LAMB3: variants seen among roughly 807,000 people sequenced by gnomAD.
The protein encoded by LAMB3 is laminin subunit beta 3, also known as laminin subunit beta-3.
LAMB3 carries 104 observed loss-of-function variants against 140.3 expected under a neutral mutation model. The observed-to-expected ratio is 0.74, with a 90% CI of 0.63 to 0.87. The LOEUF (loss-of-function observed/expected upper bound fraction) is 0.87, where lower values mean the gene tolerates loss of function less well. LAMB3 is among the 40% of genes least tolerant of loss of function. The probability of loss-of-function intolerance (pLI) is 0.00; values close to 1 mark genes in which losing one functional copy is unlikely to be tolerated. For synonymous variants in LAMB3, 592 were observed against 602.9 expected, an observed-to-expected ratio of 0.98 and a Z score of 0.26; for missense variants, 1,531 against 1,575.2, an observed-to-expected ratio of 0.97 and a Z score of 0.47.
intron 10 of LAMB3, among the ~76,000 whole-genome samples, chr1:209,629,528 T>C (rs951054832): frequency 3.9e-5 from 6 of 152,180 alleles, no homozygotes; most frequent in African/African-American, 1.4e-4. Flanking sequence ...TAACTCTTGA[T>C]TGATTGTCTG....
chr1:209,636,187 C>T (rs1228453455), intron 5 of LAMB3, among the ~76,000 whole-genome samples: 1 of 149,544 alleles, frequency 6.7e-6, no homozygotes, highest in African/African-American at 2.5e-5. Flanking sequence ...TTATTCTTTT[C>T]CTGTGAGACC....
chr1:209,642,245 G>A (rs2076475483), intron 3 of LAMB3, among the ~76,000 whole-genome samples: 1 of 152,102 alleles, frequency 6.6e-6, no homozygotes, highest in South Asian at 2.1e-4. Flanking sequence ...ATATATGTGT[G>A]TGTGTGAATA....
intron 6 of LAMB3, among the ~76,000 whole-genome samples, chr1:209,633,574 A>T (rs1431650815): frequency 6.6e-6 from 1 of 152,090 alleles, no homozygotes; most frequent in African/African-American, 2.4e-5. Flanking sequence ...AAAAAAAAAA[A>T]TCCACTCATC....
Position 209,628,076 on chromosome 1 carries a change from C to G in LAMB3, c.1247G>C (p.Gly416Ala). 1 of 1,606,952 alleles carries G rather than the reference C, an allele frequency of 6.2e-7. No homozygotes were observed. Among genetic ancestry groups the G allele is most frequent in the Middle Eastern group, 1.7e-4 (1 of 6,052 alleles). ...QGERCDLCKP[G>A]FTGLTYANPQ... ...GTTGGCGTAGGTGAGTCCAGTGAAG[C>G]CCGGCTTGCATAGGTCACAGCGCTC... Residue 416 changes from glycine (G) to alanine (A), a missense_variant, in exon 11 of 23, where the codon GGC becomes GCC. Physicochemically the swap from Gly to Ala is moderately conservative, Grantham distance 60 (BLOSUM62 0). Transcript: ENST00000356082.
At chr1:209,617,825 A>T in intron 20 of LAMB3, 82 bp downstream of exon 20, 1 of 1,559,714 alleles carries the variant, frequency 6.4e-7, no homozygotes. Flanking sequence ...TTATCTAGTC[A>T]CTTTCTGGCA....
In LAMB3 at chr1:209,618,573, G is replaced by A. The variant is rs2102406831; in HGVS notation, c.2788C>T (p.Gln930Ter). 6.2e-7 allele frequency: 1 copy of A among 1,614,256 alleles called. No individual in the cohort carries two copies. Among genetic ancestry groups the A allele is most frequent in the Middle Eastern group, 1.6e-4 (1 of 6,062 alleles). ...ATGGCCTGGATCTCATTCATCTTCTGCAGAACAGTAGCTGAGTCTGTGGGC... is the reference window on the plus strand; with the variant it reads ...ATGGCCTGGATCTCATTCATCTTCTACAGAACAGTAGCTGAGTCTGTGGGC... ...WLPTDSATVL[Q>*]KMNEIQAIAA... Residue 930 changes from glutamine to a stop codon, truncating the protein, a stop_gained, in exon 19 of 23, where the codon CAG (glutamine) becomes TAG (stop). Transcript: ENST00000356082. LOFTEE classifies it high-confidence loss of function.
At chr1:209,646,858 C>T (rs951718590) in intron 3 of LAMB3, among the ~76,000 whole-genome samples, 12 of 152,192 alleles carry the variant, frequency 7.9e-5, no homozygotes, top group African/African-American at 2.2e-4. Flanking sequence ...ATGAGGCCAA[C>T]GGATAGCACA....
chr1:209,638,803 A>T (rs977610526), intron 3 of LAMB3, among the ~76,000 whole-genome samples, 155 bp from the exon 4 acceptor site: 2 of 152,212 alleles, frequency 1.3e-5, no homozygotes, highest in Non-Finnish European at 2.9e-5. Context: ...CTCTTAAAAC[A>T]CAGCTATTGA....
chr1:209,634,990 A>G (rs2102439791), intron 5 of LAMB3, among the ~76,000 whole-genome samples: 1 of 143,756 alleles, frequency 7.0e-6, no homozygotes, highest in African/African-American at 2.6e-5. Flanking sequence ...ACTCATGTCC[A>G]GCCTCCTCTG....
chr1:209,643,707 T>C, intron 3 of LAMB3, among the ~76,000 whole-genome samples: 1 of 152,082 alleles, frequency 6.6e-6, no homozygotes, highest in East Asian at 1.9e-4. Flanking sequence ...CAGGCTCTGA[T>C]TATGCATGGC....
At chr1:209,619,989 C>T (rs1230444783) in intron 18 of LAMB3, among the ~76,000 whole-genome samples, 1 of 152,208 alleles carries the variant, frequency 6.6e-6, no homozygotes, top group Non-Finnish European at 1.5e-5. Context: ...GTCAACCTCT[C>T]TTCTAACCCA....
intron 19 of LAMB3, 53 bp downstream of exon 19, chr1:209,618,399 C>T: frequency 1.3e-6 from 2 of 1,581,182 alleles, no homozygotes; most frequent in Admixed American, 1.7e-5. Context: ...GGTTGAGGAG[C>T]AAAACGCCAG....
Position 209,633,135 on chromosome 1 carries a change from T to C in LAMB3, c.565-2A>G, listed in dbSNP as rs370148688. On this transcript the variant is annotated splice_acceptor_variant, in intron 6 of 22. Transcript: ENST00000356082. LOFTEE classifies it high-confidence loss of function. ...TAAATCCATAAGGTTAAGTTGGACC[T>C]ACAGAGGGAAGGGAAAGAGAAGCGC... 2.6e-5 allele frequency: 42 copies of C among 1,609,522 alleles called. No individual in the cohort carries two copies. The highest frequency in any genetic ancestry group is 3.1e-5 in the Non-Finnish European group (36 of 1,175,904).
Position 209,643,740 on chromosome 1 carries a change from C to T in LAMB3, c.184-5092G>A, listed in dbSNP as rs143051729. On this transcript the variant is annotated intron_variant, in intron 3 of 22. Transcript: ENST00000356082. ...GGCCCAGCTCCCTCCCATGAGGAAG[C>T]CAGAGGGCTGTCTGAGTTCATCTAA... Among the ~76,000 whole-genome samples the T allele has an allele frequency of 2.7e-3, 404 of 152,076 alleles. 1 individual carries two copies. Among genetic ancestry groups the T allele is most frequent in the African/African-American group, 9.4e-3 (388 of 41,476 alleles).
Position 209,634,549 on chromosome 1 carries a change from GGT to G in LAMB3, c.460_461del (p.Thr154LeufsTer27). 1 of 1,614,134 alleles carries G rather than the reference GGT, an allele frequency of 6.2e-7. No individual in the cohort carries two copies. Among genetic ancestry groups the G allele is most frequent in the Non-Finnish European group, 8.5e-7 (1 of 1,180,022 alleles). ...RVYQYLAADC[T>X]STFPRVRQGR... ...CCTGGCGGACCCGAGGGAAGGTGGA[GGT>G]GCAGTCGGCAGCCAGGTACTGGTAC... is the stretch of plus-strand genomic sequence containing the variant. On this transcript the variant is annotated frameshift_variant, in exon 6 of 23. Coordinates refer to ENST00000356082, the MANE Select transcript of LAMB3 (RefSeq NM_000228.3). LOFTEE classifies it high-confidence loss of function.
intron 19 of LAMB3, 31 bp downstream of exon 19, chr1:209,618,417 CTGGG>C: frequency 6.2e-7 from 1 of 1,605,662 alleles, no homozygotes; most frequent in East Asian, 2.2e-5. Flanking sequence ...CAGCTTAATC[CTGGG>C]CAGAGAGAAG....
intron 1 of LAMB3, among the ~76,000 whole-genome samples, chr1:209,651,854 G>GC (rs2076568891): frequency 6.7e-6 from 1 of 150,136 alleles, no homozygotes; most frequent in Non-Finnish European, 1.5e-5. Flanking sequence ...GGGGTGGAGG[G>GC]CTGGGGGCTT....
intron 19 of LAMB3, 125 bp from the exon 20 acceptor site, chr1:209,618,173 T>A (rs1440495745): frequency 7.2e-6 from 9 of 1,250,492 alleles, no homozygotes; most frequent in Non-Finnish European, 1.0e-5. Flanking sequence ...GCAAGGAAAG[T>A]ATTAACTCAG....
At chr1:209,627,682 C>CA (rs777463577) in intron 11 of LAMB3, 103 bp from the exon 12 acceptor site, 594 of 1,086,346 alleles carry the variant, frequency 5.5e-4, no homozygotes, top group Admixed American at 7.9e-4. Flanking sequence ...AAGAACTGGG[C>CA]AGGGCCCTTC....
Sources: allele counts gnomAD v4.1 joint callset (sites outside exome capture counted in the v4.1 genomes callset), GRCh38; gene constraint gnomAD v4.1.1; transcripts MANE v1.5; gene names NCBI Gene and HGNC (gene_info 2026-07-23, HGNC 2026-07-21).